BCL11A: variants seen among roughly 807,000 people sequenced by gnomAD.
The protein encoded by BCL11A is BCL11 transcription factor A, also known as B cell CLL/lymphoma 11A.
Under a neutral mutation model 55.9 loss-of-function variants are expected in BCL11A, and 2 were observed. The observed-to-expected ratio is 0.04, with a 90% CI of 0.01 to 0.11. The LOEUF (loss-of-function observed/expected upper bound fraction) is 0.11, where lower values mean the gene tolerates loss of function less well. BCL11A is among the 10% of genes least tolerant of loss of function. The pLI, the probability that BCL11A is intolerant of heterozygous loss-of-function variation, is 1.00. For missense variants in BCL11A, 817 were observed against 1,137.1 expected, an observed-to-expected ratio of 0.72 and a Z score of 4.05; for synonymous variants, 465 against 473.4, an observed-to-expected ratio of 0.98 and a Z score of 0.23.
In BCL11A at chr2:60,459,221, G is replaced by A; in HGVS notation, c.*1183C>T. ...TACAAGGTCTTAAAGTTTATCATTT[G>A]ATTGTCCACTTGACAACCAAGTAGA... On this transcript the variant is annotated 3_prime_UTR_variant, in exon 4 of 4. Transcript: ENST00000642384. 9.8e-7 allele frequency: 1 copy of A among 1,020,448 alleles called. No individual in the cohort carries two copies. Among genetic ancestry groups the A allele is most frequent in the Non-Finnish European group, 1.2e-6 (1 of 850,142 alleles). 63.2% of individuals were successfully genotyped at this position (1,020,448 alleles called of 1,614,324 possible). A position where few individuals can be genotyped will look rare whatever the true frequency, so the allele number is the denominator to read the frequency against.
chr2:60,476,424 A>G (rs1413043213), intron 2 of BCL11A, among the ~76,000 whole-genome samples: 2 of 152,338 alleles, frequency 1.3e-5, no homozygotes, highest in Middle Eastern at 3.4e-3. Flanking sequence ...GCTCGGCCTC[A>G]TGCCAGAGCC....
rs1675990269 is a variant in BCL11A at position 60,457,414 on chromosome 2, C to T, written c.*2990G>A. 1.9e-6 allele frequency: 2 copies of T among 1,031,224 alleles called. No individual in the cohort carries two copies. The highest frequency in any genetic ancestry group is 2.3e-6 in the Non-Finnish European group (2 of 855,848). 63.9% of individuals were successfully genotyped at this position (1,031,224 alleles called of 1,614,324 possible). Reference sequence around the variant, plus strand: ...AAAAATAAAAGATCAAATTAAGTGCCTCTGTTTTGAACAGGGCACATAAGC... The same window carrying T: ...AAAAATAAAAGATCAAATTAAGTGCTTCTGTTTTGAACAGGGCACATAAGC... On this transcript the variant is annotated 3_prime_UTR_variant, in exon 4 of 4. Transcript: ENST00000642384.
intron 2 of BCL11A, among the ~76,000 whole-genome samples, chr2:60,506,652 G>A (rs998626297): frequency 9.2e-5 from 14 of 152,172 alleles, no homozygotes; most frequent in Non-Finnish European, 1.6e-4. Flanking sequence ...GAAAACGACC[G>A]TGCCCAGCAG....
At chr2:60,527,715 C>T (rs528956989) in intron 2 of BCL11A, 1 of 152,334 alleles carries the variant, frequency 6.6e-6, no homozygotes, top group South Asian at 2.1e-4. Context: ...TCCACTCCTC[C>T]CACGGGGCCT....
intron 2 of BCL11A, among the ~76,000 whole-genome samples, chr2:60,485,964 T>C (rs568695105): frequency 8.5e-5 from 13 of 152,300 alleles, no homozygotes; most frequent in Non-Finnish European, 1.6e-4. Flanking sequence ...CTTCCCCAAC[T>C]TTCTTTCTCC....
intron 2 of BCL11A, among the ~76,000 whole-genome samples, chr2:60,511,784 G>A (rs1345579458): frequency 6.6e-6 from 1 of 152,206 alleles, no homozygotes; most frequent in Non-Finnish European, 1.5e-5. Context: ...AAGACACTAA[G>A]GGGCAGGGGA....
chr2:60,527,161 A>G (rs751430253), intron 2 of BCL11A: 1 of 152,248 alleles, frequency 6.6e-6, no homozygotes, highest in African/African-American at 2.4e-5. Flanking sequence ...TAACGAAGGC[A>G]GAAACAGAAA....
intron 3 of BCL11A, 89 bp from the exon 4 acceptor site, chr2:60,462,513 C>T (rs1676374534): frequency 2.0e-6 from 3 of 1,510,876 alleles, no homozygotes; most frequent in Admixed American, 2.1e-5. Flanking sequence ...CCAGCCTTCC[C>T]TGCCCCCACC....
intron 2 of BCL11A, among the ~76,000 whole-genome samples, chr2:60,513,891 A>C (rs1196718886): frequency 6.6e-6 from 1 of 152,194 alleles, no homozygotes; most frequent in Non-Finnish European, 1.5e-5. Flanking sequence ...CACCTCCATG[A>C]AGAGAAGCTG....
At chr2:60,542,320 G>C (rs3771270) in intron 2 of BCL11A, 1 of 155,754 alleles carries the variant, frequency 6.4e-6, no homozygotes, top group Non-Finnish European at 1.4e-5. Flanking sequence ...AATCTGACAT[G>C]ATGGGATAAT....
At chr2:60,513,785 G>A (rs1668597272) in intron 2 of BCL11A, among the ~76,000 whole-genome samples, 1 of 152,252 alleles carries the variant, frequency 6.6e-6, no homozygotes, top group East Asian at 1.9e-4. Context: ...AGCTGGGTCA[G>A]CACCTACGAA....
At chr2:60,542,181 T>G (rs1669952273) in intron 2 of BCL11A, 1 of 305,538 alleles carries the variant, frequency 3.3e-6, no homozygotes. Context: ...ATGTTATATA[T>G]CAACAGGAGC....
chr2:60,523,048 G>A (rs2104571954), intron 2 of BCL11A, among the ~76,000 whole-genome samples: 1 of 152,364 alleles, frequency 6.6e-6, no homozygotes, highest in Non-Finnish European at 1.5e-5. Flanking sequence ...TGTAGACTCT[G>A]TGGGTAAAAG....
At chr2:60,552,326 G>A (rs1487768431) in intron 1 of BCL11A, among the ~76,000 whole-genome samples, 2 of 152,024 alleles carry the variant, frequency 1.3e-5, no homozygotes, top group African/African-American at 4.8e-5. Flanking sequence ...GGGAGGGGAG[G>A]GCAGCGGCAA....
intron 2 of BCL11A, among the ~76,000 whole-genome samples, chr2:60,490,908 T>G (rs1427407): frequency 0.81 from 122,917 of 151,946 alleles, 49,925 homozygotes; most frequent in South Asian, 0.86. Context: ...CCCACAAACA[T>G]TTCCCTTCTG....
intron 2 of BCL11A, among the ~76,000 whole-genome samples, chr2:60,477,175 G>A (rs925215577): frequency 4.6e-5 from 7 of 152,168 alleles, no homozygotes; most frequent in African/African-American, 1.7e-4. Context: ...GGTGAAATAC[G>A]CATTTTCAAC....
Position 60,468,698 on chromosome 2 carries a change from T to C in BCL11A, c.487+34A>G, listed in dbSNP as rs368644766. 25 of 1,500,886 alleles carry C rather than the reference T, an allele frequency of 1.7e-5. No homozygotes were observed. The African/African-American group carries it at 1.9e-4, about 12-fold the overall frequency. The allele number at this position is 1,500,886 out of a possible 1,614,324, so 93.0% of individuals were successfully genotyped here. ...CCAGAAATTCTCATCTCTATACACA[T>C]GGACATTTGTAGAAGAAATAAGGCT... On this transcript the variant is annotated intron_variant, in intron 3 of 3. Coordinates refer to ENST00000642384, the MANE Select transcript of BCL11A (RefSeq NM_022893.4).
chr2:60,544,594 G>C (rs45565333), intron 2 of BCL11A: 8,470 of 152,302 alleles, frequency 0.056, 256 homozygotes, highest in Middle Eastern at 0.075. Flanking sequence ...AAATTCTAGA[G>C]GGGGAGAGGA....
rs538264858 is a variant in BCL11A at position 60,468,798 on chromosome 2, G to C, written c.421C>G (p.Arg141Gly). The C allele has an allele frequency of 2.5e-6, 4 of 1,608,068 alleles. No individual in the cohort carries two copies. Among genetic ancestry groups the C allele is most frequent in the Non-Finnish European group, 3.4e-6 (4 of 1,178,616 alleles). Residue 141 changes from arginine (R) to glycine (G), a missense_variant, in exon 3 of 4, where the codon CGT becomes GGT. This residue lies in a region of BCL11A where 363 missense variants were observed against 486.6 expected (regional missense o/e 0.75). Coordinates refer to ENST00000642384, the MANE Select transcript of BCL11A (RefSeq NM_022893.4). ...LLHWRGLSSP[R>G]SAHGALIPTP... ...GGGATTAGAGCTCCATGTGCAGAAC[G>C]AGGGGAGGAGAGGCCCCTCCAGTGC... is the stretch of plus-strand genomic sequence containing the variant.
Sources: gnomAD v4.1 joint callset for allele counts (sites outside exome capture counted in the v4.1 genomes callset) on GRCh38, gnomAD v4.1.1 for gene constraint, gnomAD v4.1.1 regional missense constraint, MANE v1.5 for transcripts, NCBI Gene and HGNC (gene_info 2026-07-23, HGNC 2026-07-21) for gene names.